The following KHDRBS2 variants were observed in gnomAD, a reference collection of about 807,000 sequenced individuals.
The protein encoded by KHDRBS2 is KH RNA binding domain containing, signal transduction associated 2.
In KHDRBS2, 26 loss-of-function variants were observed where a neutral mutation model predicts 44.3. The ratio of observed to expected loss-of-function variants is 0.59; its 90% CI spans 0.43 to 0.81. The LOEUF is 0.81. Among genes scored for constraint, KHDRBS2 ranks in the 40% least tolerant of loss-of-function variants. The pLI, the probability that KHDRBS2 is intolerant of heterozygous loss-of-function variation, is 0.00. For missense variants in KHDRBS2, 476 were observed against 433.1 expected, an observed-to-expected ratio of 1.10 and a Z score of -0.88; for synonymous variants, 194 against 151.1, an observed-to-expected ratio of 1.28 and a Z score of -2.08.
At chr6:62,193,848 A>G (rs1825089893) in intron 1 of KHDRBS2, among the ~76,000 whole-genome samples, 1 of 152,126 alleles carries the variant, frequency 6.6e-6, no homozygotes, top group African/African-American at 2.4e-5. Flanking sequence ...GCACATATTA[A>G]CATTATCATT....
intron 4 of KHDRBS2, among the ~76,000 whole-genome samples, chr6:61,905,707 T>C (rs1434537477): frequency 6.6e-6 from 1 of 152,108 alleles, no homozygotes; most frequent in East Asian, 1.9e-4. Context: ...GATTTATCAT[T>C]TGCAATATCT....
the KHDRBS2 span, among the ~76,000 whole-genome samples, chr6:61,638,738 C>G: frequency 2.6e-5 from 4 of 152,204 alleles, no homozygotes; most frequent in South Asian, 8.3e-4. Flanking sequence ...TATAGTTCAA[C>G]ATATATAATT....
intron 8 of KHDRBS2, among the ~76,000 whole-genome samples, chr6:61,684,181 T>G (rs918417332): frequency 6.6e-6 from 1 of 151,914 alleles, no homozygotes; most frequent in African/African-American, 2.4e-5. Flanking sequence ...GATTGGAGAG[T>G]ACTGAACCAA....
At chr6:61,737,806 T>C (rs1775606415) in intron 6 of KHDRBS2, among the ~76,000 whole-genome samples, 1 of 152,020 alleles carries the variant, frequency 6.6e-6, no homozygotes, top group African/African-American at 2.4e-5. Flanking sequence ...AGAGTAAAGG[T>C]AGAACATGGA....
intron 1 of KHDRBS2, among the ~76,000 whole-genome samples, chr6:62,250,979 T>C (rs1036308382): frequency 1.3e-4 from 19 of 151,976 alleles, no homozygotes; most frequent in African/African-American, 3.4e-4. Context: ...ACAAAGAATA[T>C]TACTGTGTTA....
rs1325959343 is a variant in KHDRBS2 at position 61,975,674 on chromosome 6, CACACACAG to C, written c.483+2384_483+2391del. On this transcript the variant is annotated intron_variant, in intron 4 of 8. Coordinates refer to ENST00000281156, the MANE Select transcript of KHDRBS2 (RefSeq NM_152688.4). The stretch of plus-strand genomic sequence containing the variant: ...AGATGCACACACACACACACACACA[CACACACAG>C]AGAGATATAAAACATCTGAAGGTGA... Among the ~76,000 whole-genome samples the C allele has an allele frequency of 2.1e-3, 293 of 139,610 alleles. 2 individuals carry two copies. The highest frequency in any genetic ancestry group is 7.3e-3 in the African/African-American group (287 of 39,206). The allele number at this position is 139,610 out of a possible 152,430, so 91.6% of individuals were successfully genotyped here. A position where few individuals can be genotyped will look rare whatever the true frequency, so the allele number is the denominator to read the frequency against.
the KHDRBS2 span, among the ~76,000 whole-genome samples, chr6:61,604,347 C>CAACT: frequency 0.15 from 22,421 of 152,084 alleles, 2,082 homozygotes; most frequent in South Asian, 0.27. Flanking sequence ...CTAAGAAAAG[C>CAACT]AACTAGTATT....
At chr6:61,646,536 T>C in the KHDRBS2 span, among the ~76,000 whole-genome samples, 1 of 152,202 alleles carries the variant, frequency 6.6e-6, no homozygotes, top group Non-Finnish European at 1.5e-5. Context: ...GAGACACATG[T>C]CAATACATGT....
At chr6:61,739,923 T>C (rs1157178786) in intron 6 of KHDRBS2, among the ~76,000 whole-genome samples, 2 of 151,930 alleles carry the variant, frequency 1.3e-5, no homozygotes, top group Admixed American at 6.6e-5. Context: ...ATCTATTTCA[T>C]TTAAAGTTGT....
intron 2 of KHDRBS2, among the ~76,000 whole-genome samples, chr6:62,064,670 T>C (rs1428683354): frequency 5.9e-5 from 9 of 151,940 alleles, no homozygotes; most frequent in East Asian, 1.9e-4. Flanking sequence ...CCTAAAACCA[T>C]AAAAACCCTA....
At chr6:62,098,424 T>G (rs1188790095) in intron 2 of KHDRBS2, among the ~76,000 whole-genome samples, 1 of 152,058 alleles carries the variant, frequency 6.6e-6, no homozygotes, top group Non-Finnish European at 1.5e-5. Flanking sequence ...TGTTGACAGT[T>G]TGTTTTGTTT....
At chr6:61,801,101 A>T (rs796136199) in intron 6 of KHDRBS2, among the ~76,000 whole-genome samples, 1 of 152,214 alleles carries the variant, frequency 6.6e-6, no homozygotes, top group East Asian at 1.9e-4. Flanking sequence ...ATTCATCAAC[A>T]TATTTTGTAC....
At chr6:61,957,477 C>T (rs1767637714) in intron 4 of KHDRBS2, among the ~76,000 whole-genome samples, 3 of 150,986 alleles carry the variant, frequency 2.0e-5, no homozygotes, top group African/African-American at 2.5e-5. Flanking sequence ...AGAATGCGTC[C>T]CTGAGGGGAG....
chr6:62,110,774 G>A (rs1804819134), intron 2 of KHDRBS2, among the ~76,000 whole-genome samples: 1 of 152,026 alleles, frequency 6.6e-6, no homozygotes, highest in African/African-American at 2.4e-5. Flanking sequence ...AAAACTGGGT[G>A]TTGAAGGATT....
At chr6:61,554,079 G>A in the KHDRBS2 span, among the ~76,000 whole-genome samples, 13 of 152,090 alleles carry the variant, frequency 8.5e-5, no homozygotes, top group African/African-American at 1.9e-4. Context: ...CTCAATGATC[G>A]TCTTATATTG....
At chr6:61,600,495 A>G in the KHDRBS2 span, among the ~76,000 whole-genome samples, 546 of 152,132 alleles carry the variant, frequency 3.6e-3, 10 homozygotes, top group Admixed American at 0.031. Flanking sequence ...CTACCCACCC[A>G]AATCTTATAA....
intron 1 of KHDRBS2, among the ~76,000 whole-genome samples, chr6:62,202,508 A>AT (rs568669370): frequency 1.9e-4 from 29 of 149,430 alleles, no homozygotes; most frequent in South Asian, 4.3e-4. Flanking sequence ...AGAGAGAGAG[A>AT]TTTTTTTTTT....
chr6:61,904,704 A>G (rs1319063612), intron 4 of KHDRBS2, among the ~76,000 whole-genome samples: 1 of 152,168 alleles, frequency 6.6e-6, no homozygotes, highest in African/African-American at 2.4e-5. Context: ...AACTTACCTT[A>G]TAACTTCATT....
At chr6:62,162,264 G>A (rs1302341711) in intron 2 of KHDRBS2, among the ~76,000 whole-genome samples, 2 of 152,040 alleles carry the variant, frequency 1.3e-5, no homozygotes, top group African/African-American at 4.8e-5. Flanking sequence ...TTGCAAGGAA[G>A]GTCTAGTGGC....
Sources: gnomAD v4.1 joint callset for allele counts (sites outside exome capture counted in the v4.1 genomes callset) on GRCh38, gnomAD v4.1.1 for gene constraint, MANE v1.5 for transcripts, NCBI Gene and HGNC (gene_info 2026-07-23, HGNC 2026-07-21) for gene names.